Variants in IMPG2 observed in about 807,000 individuals in gnomAD.
IMPG2 encodes the protein IPM 200.
In IMPG2, 91 loss-of-function variants were observed where a neutral mutation model predicts 129.2. That is an observed-to-expected ratio of 0.70 (90% CI 0.59 to 0.84). The LOEUF (loss-of-function observed/expected upper bound fraction) is 0.84. Among genes scored for constraint, IMPG2 ranks in the 40% least tolerant of loss-of-function variants. IMPG2 has a pLI of 0.00. For synonymous variants in IMPG2, 510 were observed against 517.7 expected (o/e 0.99, Z 0.20); for missense variants, 1,430 against 1,461.7 (o/e 0.98, Z 0.35).
intron 14 of IMPG2, among the ~76,000 whole-genome samples, chr3:101,235,620 C>T (rs1356743337): frequency 6.6e-6 from 1 of 152,168 alleles, no homozygotes; most frequent in Non-Finnish European, 1.5e-5. Flanking sequence ...AAATAAAAGG[C>T]TGTGGTTTCA....
chr3:101,269,037 C>T (rs1471914832), intron 8 of IMPG2, among the ~76,000 whole-genome samples: 1 of 152,210 alleles, frequency 6.6e-6, no homozygotes, highest in Non-Finnish European at 1.5e-5. Flanking sequence ...AAGTGTTACA[C>T]TGTGAGTCTT....
chr3:101,233,941 G>A (rs1187709911), intron 14 of IMPG2, among the ~76,000 whole-genome samples: 2 of 151,932 alleles, frequency 1.3e-5, no homozygotes, highest in Non-Finnish European at 2.9e-5. Context: ...ATAATGTTTT[G>A]AAAAGCAATG....
rs554902679 is a variant in IMPG2 at position 101,281,992 on chromosome 3, T to C, written c.534-5279A>G. 6.6e-5 allele frequency among the ~76,000 whole-genome samples: 10 copies of C among 152,320 alleles called. No homozygotes were observed. The East Asian group carries it at 1.7e-3, about 26-fold the overall frequency. ...CTGCAGAACTATAAGATAATCTATG[T>C]TGTTTTAAGCTGCCAAGGTCAGACT... On this transcript the variant is annotated intron_variant, in intron 4 of 18. Transcript: ENST00000193391.
intron 14 of IMPG2, among the ~76,000 whole-genome samples, chr3:101,242,132 T>A (rs1365807226): frequency 1.3e-5 from 2 of 151,212 alleles, no homozygotes; most frequent in Non-Finnish European, 2.9e-5. Context: ...AGAGAAAGAG[T>A]AGATTTAGCT....
In IMPG2 at chr3:101,222,880, T is replaced by C. The variant is rs746468232; in HGVS notation, c.*4089A>G. 6 of 152,228 alleles carry C rather than the reference T, an allele frequency of 3.9e-5. No individual in the cohort carries two copies. The highest frequency in any genetic ancestry group is 7.2e-5 in the African/African-American group (3 of 41,464). 9.4% of individuals were successfully genotyped at this position (152,228 alleles called of 1,614,324 possible). On this transcript the variant is annotated 3_prime_UTR_variant, in exon 19 of 19. Transcript: ENST00000193391. ...TATTCTCTGATACCACAATTATTTTTTCTATATATAATCTTAATCTTTAAA... is the reference window on the plus strand; with the variant it reads ...TATTCTCTGATACCACAATTATTTTCTCTATATATAATCTTAATCTTTAAA...
chr3:101,290,928 C>T (rs1707002915), intron 4 of IMPG2, among the ~76,000 whole-genome samples: 1 of 152,272 alleles, frequency 6.6e-6, no homozygotes, highest in South Asian at 2.1e-4. Context: ...AATTGGAAAG[C>T]TTTAGCCCCT....
intron 2 of IMPG2, among the ~76,000 whole-genome samples, chr3:101,315,012 C>T (rs1303109748): frequency 6.6e-6 from 1 of 152,106 alleles, no homozygotes; most frequent in African/African-American, 2.4e-5. Flanking sequence ...AAAAGACTCT[C>T]CCAGCTCCCT....
At position 101,243,662 on chromosome 3, in the gene IMPG2, A is replaced by C. The variant is rs1363774103; in HGVS notation, c.2669T>G (p.Leu890Trp). The C allele has an allele frequency of 6.2e-7, 1 of 1,614,046 alleles. No homozygotes were observed. The highest frequency in any genetic ancestry group is 1.7e-5 in the Admixed American group (1 of 59,984). Residue 890 changes from leucine (L) to tryptophan (W), a missense_variant, in exon 13 of 19, where the codon TTG becomes TGG. Transcript: ENST00000193391. ...AGCTCCTGAAGTCTGGGTATAACTC[A>C]AGTCATCTCCTCCTTCTGTGGGCCA... is the stretch of plus-strand genomic sequence containing the variant. ...VAWPTEGGDD[L>W]SYTQTSGALV...
intron 2 of IMPG2, among the ~76,000 whole-genome samples, chr3:101,316,862 A>G (rs1343054230): frequency 2.6e-5 from 4 of 152,168 alleles, no homozygotes; most frequent in Admixed American, 2.6e-4. Context: ...GTATATCCGT[A>G]ATATAGAATA....
rs1706456628 is a variant in IMPG2 at position 101,244,698 on chromosome 3, T to C, written c.1633A>G (p.Ile545Val). The stretch of plus-strand genomic sequence containing the variant: ...ACATCAGAGTCTTCCATGGATGGTA[T>C]TGTTTCTTTTGGCACAGGTTGAGTG... ...SFTQPVPKET[I>V]PSMEDSDVSL... The change falls in exon 13 of 19, where the codon ATA becomes GTA. Residue 545 changes from isoleucine to valine, a missense_variant. Transcript: ENST00000193391. The C allele has an allele frequency of 6.2e-7, 1 of 1,613,970 alleles. No homozygotes were observed.
At chr3:101,286,058 G>A (rs1706942785) in intron 4 of IMPG2, among the ~76,000 whole-genome samples, 1 of 151,864 alleles carries the variant, frequency 6.6e-6, no homozygotes, top group South Asian at 2.1e-4. Context: ...TTGTGACCTT[G>A]GACAAGTCCC....
intron 11 of IMPG2, among the ~76,000 whole-genome samples, chr3:101,252,197 A>G (rs1180840100): frequency 6.6e-6 from 1 of 152,288 alleles, no homozygotes; most frequent in Middle Eastern, 3.4e-3. Context: ...CCTGGTGTTC[A>G]AAAGAAGCCA....
At chr3:101,312,953 A>G (rs1464400739) in intron 2 of IMPG2, among the ~76,000 whole-genome samples, 1 of 152,078 alleles carries the variant, frequency 6.6e-6, no homozygotes, top group African/African-American at 2.4e-5. Context: ...ATAAAAGGAT[A>G]AAAGGATGAT....
chr3:101,256,213 GA>G (rs1293973851), intron 10 of IMPG2, among the ~76,000 whole-genome samples: 23 of 140,858 alleles, frequency 1.6e-4, no homozygotes, highest in African/African-American at 5.8e-4. Context: ...AAGAAAGAAA[GA>G]AAGAAAAAAA....
At chr3:101,316,233 C>G (rs533161126) in intron 2 of IMPG2, among the ~76,000 whole-genome samples, 1 of 151,926 alleles carries the variant, frequency 6.6e-6, no homozygotes, top group South Asian at 2.1e-4. Context: ...TAAAAGGATG[C>G]TCCCCCAAAA....
Position 101,244,005 on chromosome 3 carries a change from T to G in IMPG2, c.2326A>C (p.Ile776Leu), listed in dbSNP as rs1324212565. The G allele has an allele frequency of 1.2e-6, 2 of 1,614,196 alleles. No individual in the cohort carries two copies. Among genetic ancestry groups the G allele is most frequent in the Non-Finnish European group, 1.7e-6 (2 of 1,180,026 alleles). The change falls in exon 13 of 19, where the codon ATA becomes CTA. Residue 776 changes from isoleucine (I) to leucine (L), a missense_variant. Ile to Leu is a conservative substitution (Grantham distance 5, BLOSUM62 2). Coordinates refer to ENST00000193391, the MANE Select transcript of IMPG2 (RefSeq NM_016247.4). ...VKPDMQTLWTILPESERVWTR... is the reference protein window; with the variant it reads ...VKPDMQTLWTLLPESERVWTR... Reference sequence around the variant, plus strand: ...CAAACTCTCTCTGATTCTGGCAATATAGTCCACAAAGTTTGCATATCTGGC... The same window carrying G: ...CAAACTCTCTCTGATTCTGGCAATAGAGTCCACAAAGTTTGCATATCTGGC...
At position 101,242,918 on chromosome 3, in the gene IMPG2, C is replaced by T. The variant is rs574457386; in HGVS notation, c.2803-11G>A. On this transcript the variant is annotated splice_polypyrimidine_tract_variant and intron_variant, in intron 13 of 18. Coordinates refer to ENST00000193391, the MANE Select transcript of IMPG2 (RefSeq NM_016247.4). ...GAGATAGGGAACCAGCTACAATATA[C>T]AAAAGTGGTAAGTTTATTGACAGCG... 2.5e-6 allele frequency: 4 copies of T among 1,607,430 alleles called. No homozygotes were observed. Among genetic ancestry groups the T allele is most frequent in the African/African-American group, 1.3e-5 (1 of 74,720 alleles).
rs750457079 is a variant in IMPG2 at position 101,257,712 on chromosome 3, C to G, written c.970G>C (p.Asp324His). The change falls in exon 10 of 19, where the codon GAC becomes CAC. Residue 324 changes from aspartate (D) to histidine (H), a missense_variant. Asp to His is a moderately conservative substitution (Grantham distance 81, BLOSUM62 -1). Coordinates refer to ENST00000193391, the MANE Select transcript of IMPG2 (RefSeq NM_016247.4). ...NGEAISNTTW[D>H]LISLHSNKVE... The stretch of plus-strand genomic sequence containing the variant: ...TTGTTGGAGTGAAGGCTAATGAGGT[C>G]CCAGGTGGTATTGCTGATGGCCTCA... 1.6e-5 allele frequency: 26 copies of G among 1,613,158 alleles called. No homozygotes were observed. The South Asian group carries it at 2.6e-4, about 16-fold the overall frequency.
At chr3:101,290,170 A>G (rs1238398378) in intron 4 of IMPG2, among the ~76,000 whole-genome samples, 3 of 152,048 alleles carry the variant, frequency 2.0e-5, no homozygotes. Context: ...TGCAATGGCA[A>G]TCACAAGGAA....
Sources: allele counts gnomAD v4.1 joint callset (sites outside exome capture counted in the v4.1 genomes callset), GRCh38; gene constraint gnomAD v4.1.1; transcripts MANE v1.5; gene names NCBI Gene and HGNC (gene_info 2026-07-23, HGNC 2026-07-21).